Variants in MATN2 observed in about 807,000 individuals in gnomAD.
MATN2 encodes the protein matrilin 2.
Under a neutral mutation model 103.2 loss-of-function variants are expected in MATN2, and 69 were observed. The ratio of observed to expected loss-of-function variants is 0.67; its 90% CI spans 0.55 to 0.82. MATN2 has a LOEUF of 0.82. MATN2 is among the 40% of genes least tolerant of loss of function. MATN2 has a pLI of 0.00. For synonymous variants in MATN2, 429 were observed against 450.2 expected, an observed-to-expected ratio of 0.95 and a Z score of 0.60; for missense variants, 1,023 against 1,211.5, an observed-to-expected ratio of 0.84 and a Z score of 2.31.
chr8:97,943,103 A>G (rs1292277831), intron 4 of MATN2, among the ~76,000 whole-genome samples: 2 of 152,016 alleles, frequency 1.3e-5, no homozygotes, highest in African/African-American at 2.4e-5. Flanking sequence ...CTCAAAATCC[A>G]TAACAAAAAC....
At chr8:97,938,761 A>G (rs754627540) in intron 3 of MATN2, among the ~76,000 whole-genome samples, 1 of 152,226 alleles carries the variant, frequency 6.6e-6, no homozygotes, top group African/African-American at 2.4e-5. Context: ...ATTGCTCCAT[A>G]TATTCCTGAT....
intron 13 of MATN2, among the ~76,000 whole-genome samples, chr8:98,023,284 A>G (rs1813667908): frequency 6.8e-6 from 1 of 147,520 alleles, no homozygotes; most frequent in Non-Finnish European, 1.5e-5. Flanking sequence ...AACAAAAATT[A>G]TATAAACTCT....
At chr8:98,011,630 T>A (rs1813163544) in intron 10 of MATN2, among the ~76,000 whole-genome samples, 3 of 152,226 alleles carry the variant, frequency 2.0e-5, no homozygotes, top group Admixed American at 2.0e-4. Flanking sequence ...TGGCTGCTGC[T>A]AGTTTTATTA....
At chr8:97,987,063 G>A (rs958270850) in intron 6 of MATN2, among the ~76,000 whole-genome samples, 3 of 151,236 alleles carry the variant, frequency 2.0e-5, no homozygotes, top group African/African-American at 4.9e-5. Flanking sequence ...GGGTGGTCTC[G>A]AACTCCTGAA....
chr8:98,005,391 AGT>A lies in MATN2; in HGVS notation c.1327+1611_1327+1612del, dbSNP rs1812934596. Among the ~76,000 whole-genome samples the A allele has an allele frequency of 6.6e-6, 1 of 151,964 alleles. No homozygotes were observed. The highest frequency in any genetic ancestry group is 2.1e-4 in the South Asian group (1 of 4,812). ...TGTGTGTATCCTGCCTGTTTCCCGG[AGT>A]GTCAGGTCTGCCAGCTGATGGCCCT... On this transcript the variant is annotated intron_variant, in intron 8 of 18. Coordinates refer to ENST00000254898, the MANE Select transcript of MATN2 (RefSeq NM_002380.5). This position sits in a 1 kb window ranked among gnomAD's most constrained non-coding sequence, Gnocchi z 4.6.
rs67682756 is a variant in MATN2, at chr8:98,000,596, CAAA to C, written c.1205-3053_1205-3051del. On this transcript the variant is annotated intron_variant, in intron 7 of 18. Transcript: ENST00000254898. Reference sequence around the variant, plus strand: ...TGGATGACAGAGCGAGACTCCGTCTCAAAAAAAAAAAAAAGAAATATGGTTAAC... The same window carrying C: ...TGGATGACAGAGCGAGACTCCGTCTCAAAAAAAAAAAGAAATATGGTTAAC... 6.7e-4 allele frequency among the ~76,000 whole-genome samples: 33 copies of C among 49,622 alleles called. 2 individuals carry two copies. Among genetic ancestry groups the C allele is most frequent in the Non-Finnish European group, 1.4e-3 (26 of 18,740 alleles). 32.6% of individuals were successfully genotyped at this position (49,622 alleles called of 152,430 possible).
intron 18 of MATN2, chr8:98,034,257 TTAAA>T (rs1474258151): frequency 1.4e-5 from 6 of 443,892 alleles, no homozygotes; most frequent in Admixed American, 7.4e-5. Context: ...TTAAACAATA[TTAAA>T]TAAAAGGAAT....
rs375069781 is a variant in MATN2 at position 97,930,940 on chromosome 8, C to T, written c.143-13C>T. 4.2e-5 allele frequency: 66 copies of T among 1,587,590 alleles called. No individual in the cohort carries two copies. The highest frequency in any genetic ancestry group is 3.5e-4 in the African/African-American group (26 of 74,608). Reference sequence around the variant, plus strand: ...CTCTCTTCTAATGTATTTGACCTCTCCTCTTTCCCCAGAGAGTTCCTGTGA... The same window carrying T: ...CTCTCTTCTAATGTATTTGACCTCTTCTCTTTCCCCAGAGAGTTCCTGTGA... On this transcript the variant is annotated splice_polypyrimidine_tract_variant and intron_variant, in intron 2 of 18. Coordinates refer to ENST00000254898, the MANE Select transcript of MATN2 (RefSeq NM_002380.5).
At chr8:97,970,511 G>C (rs1442639388) in intron 5 of MATN2, among the ~76,000 whole-genome samples, 1 of 152,098 alleles carries the variant, frequency 6.6e-6, no homozygotes, top group Non-Finnish European at 1.5e-5. Flanking sequence ...AAACATTAGG[G>C]GTTCAGTCTA....
chr8:97,966,001 T>C (rs1586100650), intron 5 of MATN2, among the ~76,000 whole-genome samples: 1 of 150,330 alleles, frequency 6.7e-6, no homozygotes, highest in Non-Finnish European at 1.5e-5. Flanking sequence ...AAAACAAAAA[T>C]ATTAGCCAAG....
chr8:97,970,913 G>C (rs1362247682), intron 5 of MATN2, among the ~76,000 whole-genome samples: 1 of 152,138 alleles, frequency 6.6e-6, no homozygotes, highest in Non-Finnish European at 1.5e-5. Flanking sequence ...CTGCATTCCA[G>C]CCTGGGTGAC....
chr8:97,993,570 T>C (rs1812468516), intron 6 of MATN2, among the ~76,000 whole-genome samples: 1 of 152,220 alleles, frequency 6.6e-6, no homozygotes, highest in African/African-American at 2.4e-5. Flanking sequence ...TGAAATACTT[T>C]TAAAAAAATA....
At chr8:97,996,931 G>A (rs111266577) in intron 7 of MATN2, among the ~76,000 whole-genome samples, 1,547 of 152,284 alleles carry the variant, frequency 0.01, 15 homozygotes, top group Non-Finnish European at 0.014. Context: ...ATTTTTAAAG[G>A]AATTTGATGT....
At chr8:97,915,621 T>C (rs72675254) in intron 2 of MATN2, among the ~76,000 whole-genome samples, 13,221 of 152,248 alleles carry the variant, frequency 0.087, 881 homozygotes, top group Admixed American at 0.21. Context: ...CTTCCTCTCC[T>C]CTCTTGCAGC....
chr8:97,880,088 T>C (rs1401114504), intron 1 of MATN2, among the ~76,000 whole-genome samples: 58 of 150,428 alleles, frequency 3.9e-4, no homozygotes, highest in African/African-American at 1.0e-3. Context: ...TCTTTCTTTT[T>C]TTTTTTTTTT....
intron 10 of MATN2, among the ~76,000 whole-genome samples, chr8:98,009,868 T>A (rs1487258767): frequency 6.6e-6 from 1 of 152,142 alleles, no homozygotes; most frequent in Non-Finnish European, 1.5e-5. Flanking sequence ...ATAGGCCTGA[T>A]GTGCATGGAC....
chr8:97,938,009 C>T (rs1810433854), intron 3 of MATN2, among the ~76,000 whole-genome samples: 1 of 152,190 alleles, frequency 6.6e-6, no homozygotes, highest in Non-Finnish European at 1.5e-5. Context: ...CCCCACGATG[C>T]TGCCTGCTGC....
intron 1 of MATN2, among the ~76,000 whole-genome samples, chr8:97,887,088 C>T (rs954022529): frequency 2.0e-5 from 3 of 152,030 alleles, no homozygotes; most frequent in South Asian, 2.1e-4. Context: ...GATTGGGTTT[C>T]GCTGTGTTGG....
At chr8:97,994,674 C>A (rs1812511415) in intron 7 of MATN2, 72 bp downstream of exon 7, 3 of 1,502,702 alleles carry the variant, frequency 2.0e-6, no homozygotes, top group Non-Finnish European at 2.7e-6. Flanking sequence ...CCTTTCCGTG[C>A]AAATCTTAAG....
Sources: gnomAD v4.1 joint callset for allele counts (sites outside exome capture counted in the v4.1 genomes callset) on GRCh38, gnomAD v4.1.1 for gene constraint, Gnocchi (gnomAD v3.1) non-coding constraint, MANE v1.5 for transcripts, NCBI Gene and HGNC (gene_info 2026-07-23, HGNC 2026-07-21) for gene names.